Variants in WDFY4 observed in about 807,000 individuals in gnomAD.
WDFY4 encodes the protein WD repeat- and FYVE domain-containing protein 4.
A neutral mutation model predicts 351.9 loss-of-function variants in WDFY4; 169 were observed. The observed-to-expected ratio is 0.48, with a 90% CI of 0.42 to 0.55. The LOEUF is 0.55. Ranked by LOEUF, WDFY4 falls within the 20% of genes least tolerant of loss-of-function variation. WDFY4 has a pLI of 0.00. For synonymous variants in WDFY4, 1,622 were observed against 1,574.6 expected, an observed-to-expected ratio of 1.03 and a Z score of -0.71; for missense variants, 3,803 against 3,935.6, an observed-to-expected ratio of 0.97 and a Z score of 0.90.
chr10:48,787,807 C>CTTCTTCTTCTTCTTCTTCTTCT (rs1555010320), intron 20 of WDFY4, among the ~76,000 whole-genome samples: 1 of 76,740 alleles, frequency 1.3e-5, no homozygotes, highest in East Asian at 4.4e-4. Context: ...CCTCCTCCTC[C>CTTCTTCTTCTTCTTCTTCTTCT]TCTTCTTCTT....
chr10:48,774,370 C>T, intron 13 of WDFY4, 88 bp from the exon 14 acceptor site: 2 of 1,392,934 alleles, frequency 1.4e-6, no homozygotes, highest in Non-Finnish European at 2.0e-6. Flanking sequence ...TGTTCCACAA[C>T]TCACCCCAGG....
chr10:48,935,583 A>AT (rs900009649), intron 47 of WDFY4, among the ~76,000 whole-genome samples: 2 of 152,054 alleles, frequency 1.3e-5, no homozygotes, highest in African/African-American at 4.8e-5. Context: ...TTGTGCAAGT[A>AT]TTTTTTTTCT....
At chr10:48,957,349 T>C (rs1340036973) in intron 52 of WDFY4, 67 bp downstream of exon 52, 4 of 1,521,422 alleles carry the variant, frequency 2.6e-6, no homozygotes, top group Non-Finnish European at 3.6e-6. Flanking sequence ...AGCCCCTGGG[T>C]GATGACCAAC....
At position 48,731,364 on chromosome 10, in the gene WDFY4, G is replaced by C. The variant is rs1335421324; in HGVS notation, c.1384G>C (p.Val462Leu). 4 of 1,551,636 alleles carry C rather than the reference G, an allele frequency of 2.6e-6. No homozygotes were observed. Among genetic ancestry groups the C allele is most frequent in the Non-Finnish European group, 3.5e-6 (4 of 1,147,020 alleles). Residue 462 changes from valine (V) to leucine (L), a missense_variant, in exon 9 of 62, where the codon GTG becomes CTG. By Grantham distance (32) the Val-to-Leu change is conservative. Around this residue, in one of 3 missense-constraint regions of WDFY4, gnomAD observed 261 missense variants for 330.2 expected, o/e 0.79. Transcript: ENST00000325239. ...LEALVFELHY[V>L]PHEILRKVQH... is the part of the protein sequence containing the mutation. Reference sequence around the variant, plus strand: ...GGCCCTGGTGTTCGAGCTGCACTACGTGCCTCATGAGATCCTGCGAAAGGT... The same window carrying C: ...GGCCCTGGTGTTCGAGCTGCACTACCTGCCTCATGAGATCCTGCGAAAGGT...
At chr10:48,907,455 T>C (rs1204759863) in intron 47 of WDFY4, among the ~76,000 whole-genome samples, 1 of 152,224 alleles carries the variant, frequency 6.6e-6, no homozygotes, top group African/African-American at 2.4e-5. Context: ...ATTCTTCATA[T>C]ATAATGTTTA....
chr10:48,921,942 T>C (rs1334000336), intron 47 of WDFY4, among the ~76,000 whole-genome samples: 1 of 152,172 alleles, frequency 6.6e-6, no homozygotes, highest in Admixed American at 6.5e-5. Context: ...AGTTATTATA[T>C]CATCTGGCAT....
At chr10:48,827,545 C>T (rs928529940) in intron 36 of WDFY4, among the ~76,000 whole-genome samples, 2 of 146,158 alleles carry the variant, frequency 1.4e-5, no homozygotes, top group Admixed American at 1.3e-4. Context: ...TGTCAGTGTG[C>T]ATGAACCACA....
chr10:48,770,536 GT>G, intron 13 of WDFY4, among the ~76,000 whole-genome samples: 1 of 152,214 alleles, frequency 6.6e-6, no homozygotes, highest in Non-Finnish European at 1.5e-5. Context: ...AATAATCCAA[GT>G]TTTGGGAGAT....
rs565069303 is a variant in WDFY4 at position 48,800,044 on chromosome 10, C to T, written c.4411-3242C>T. Among the ~76,000 whole-genome samples, 3 of 152,206 alleles carry T rather than the reference C, an allele frequency of 2.0e-5. No homozygotes were observed. In the East Asian group the frequency reaches 5.8e-4, roughly 30 times the overall value. On this transcript the variant is annotated intron_variant, in intron 24 of 61. Transcript: ENST00000325239. Reference sequence around the variant, plus strand: ...GGGACTATAGGCATGTGCCACCACGCCCAGCTAATTTTTGTATTTGTAGTA... The same window carrying T: ...GGGACTATAGGCATGTGCCACCACGTCCAGCTAATTTTTGTATTTGTAGTA...
chr10:48,792,023 C>G (rs1051260958), intron 23 of WDFY4, among the ~76,000 whole-genome samples: 25 of 152,310 alleles, frequency 1.6e-4, no homozygotes, highest in African/African-American at 6.0e-4. Flanking sequence ...ATATCCCAAA[C>G]TCCCTAGACA....
At chr10:48,781,417 C>T (rs564577732) in intron 19 of WDFY4, among the ~76,000 whole-genome samples, 38 of 152,240 alleles carry the variant, frequency 2.5e-4, no homozygotes, top group Middle Eastern at 6.8e-3. Context: ...CTTTCTCAAC[C>T]TCCTGACTAG....
intron 2 of WDFY4, among the ~76,000 whole-genome samples, chr10:48,716,717 G>A (rs1589442334): frequency 1.3e-5 from 2 of 152,234 alleles, no homozygotes; most frequent in South Asian, 2.1e-4. Context: ...TTATTGTGGA[G>A]TGCCTCCTGG....
intron 47 of WDFY4, among the ~76,000 whole-genome samples, chr10:48,903,643 T>A (rs1249899058): frequency 2.0e-5 from 3 of 152,150 alleles, no homozygotes; most frequent in Non-Finnish European, 4.4e-5. Flanking sequence ...GAAAATTAAA[T>A]GAGGATGATC....
At chr10:48,777,611 C>A in intron 17 of WDFY4, 116 bp downstream of exon 17, 1 of 1,044,898 alleles carries the variant, frequency 9.6e-7, no homozygotes, top group Non-Finnish European at 1.4e-6. Context: ...CTGTGCTGGG[C>A]ATGGTGGCTC....
At chr10:48,685,637 G>A (rs2136278255) in intron 1 of WDFY4, among the ~76,000 whole-genome samples, 1 of 152,276 alleles carries the variant, frequency 6.6e-6, no homozygotes, top group South Asian at 2.1e-4. Context: ...GCTCAGTAAG[G>A]ACTGATTCTT....
At chr10:48,731,088 T>C in intron 8 of WDFY4, 22 bp from the exon 9 acceptor site, 2 of 1,500,714 alleles carry the variant, frequency 1.3e-6, no homozygotes, top group Non-Finnish European at 8.9e-7. Context: ...ACTTGTAAGA[T>C]CATTCTTGTT....
chr10:48,888,091 A>G (rs532548456), intron 43 of WDFY4, among the ~76,000 whole-genome samples: 1 of 152,250 alleles, frequency 6.6e-6, no homozygotes, highest in African/African-American at 2.4e-5. Flanking sequence ...ATGTATAAAC[A>G]TGCTAATGTA....
intron 1 of WDFY4, among the ~76,000 whole-genome samples, chr10:48,707,195 G>A (rs1224253841): frequency 6.6e-6 from 1 of 152,174 alleles, no homozygotes; most frequent in Non-Finnish European, 1.5e-5. Flanking sequence ...GTAACTTAGA[G>A]AAATGCAAAT....
In WDFY4 at chr10:48,807,460, A is replaced by G. The variant is rs1345609731; in HGVS notation, c.4739-399A>G. The stretch of plus-strand genomic sequence containing the variant: ...CCTAGCCTGGGAGCAAGTTGAAAGC[A>G]GGAACAAAGAGAACAAAGACCATGG... On this transcript the variant is annotated intron_variant, in intron 27 of 61. Coordinates refer to ENST00000325239, the MANE Select transcript of WDFY4 (RefSeq NM_001394531.1). Among the ~76,000 whole-genome samples the G allele has an allele frequency of 2.0e-5, 3 of 152,248 alleles. No individual in the cohort carries two copies. The East Asian group carries it at 5.8e-4, about 29-fold the overall frequency.
Sources: gnomAD v4.1 joint callset for allele counts (sites outside exome capture counted in the v4.1 genomes callset) on GRCh38, gnomAD v4.1.1 for gene constraint, gnomAD v4.1.1 regional missense constraint, MANE v1.5 for transcripts, NCBI Gene and HGNC (gene_info 2026-07-23, HGNC 2026-07-21) for gene names.